Variants in FAS observed in about 807,000 individuals in gnomAD.
FAS encodes Fas cell surface death receptor, also known as tumor necrosis factor receptor superfamily member 6.
In FAS, 5 loss-of-function variants were observed where a neutral mutation model predicts 33.2. The ratio of observed to expected loss-of-function variants is 0.15; its 90% CI spans 0.08 to 0.32. The LOEUF (loss-of-function observed/expected upper bound fraction) is 0.32, where lower values mean the gene tolerates loss of function less well. FAS is among the 10% of genes least tolerant of loss of function. The pLI is 1.00. For synonymous variants in FAS, 131 were observed against 130.7 expected (o/e 1.00, Z -0.01); for missense variants, 339 against 386.0 (o/e 0.88, Z 1.02).
In FAS at chr10:89,014,891, T is replaced by C. The variant is rs1848721249; in HGVS notation, c.*441T>C. The C allele has an allele frequency of 1.9e-6, 1 of 536,140 alleles. No homozygotes were observed. Among genetic ancestry groups the C allele is most frequent in the Non-Finnish European group, 3.6e-6 (1 of 277,738 alleles). The allele number at this position is 536,140 out of a possible 1,614,324, so 33.2% of individuals were successfully genotyped here. A position where few individuals can be genotyped will look rare whatever the true frequency, so the allele number is the denominator to read the frequency against. The stretch of plus-strand genomic sequence containing the variant: ...ACAGGCAGGCCACTTTGCCTCTAAA[T>C]TACCTCTGATAATTCTAGAGATTTT... On this transcript the variant is annotated 3_prime_UTR_variant, in exon 9 of 9. Coordinates refer to ENST00000652046, the MANE Select transcript of FAS (RefSeq NM_000043.6).
intron 1 of FAS, among the ~76,000 whole-genome samples, chr10:88,964,245 A>G (rs2133306581): frequency 6.6e-6 from 1 of 152,314 alleles, no homozygotes; most frequent in South Asian, 2.1e-4. Context: ...CAGATGAAAA[A>G]GAAAAAAGCG....
chr10:88,998,205 A>G (rs1475016881), intron 1 of FAS, among the ~76,000 whole-genome samples: 1 of 152,178 alleles, frequency 6.6e-6, no homozygotes, highest in Admixed American at 6.5e-5. Flanking sequence ...GGATCTGTTC[A>G]GGCTTGTAGA....
At chr10:88,994,233 G>A (rs979639854) in intron 1 of FAS, among the ~76,000 whole-genome samples, 1 of 152,162 alleles carries the variant, frequency 6.6e-6, no homozygotes, top group East Asian at 1.9e-4. Flanking sequence ...GATTACCAGA[G>A]TAAACTGCCA....
chr10:88,982,208 AT>A (rs1361183372), upstream of FAS, among the ~76,000 whole-genome samples: 1 of 152,218 alleles, frequency 6.6e-6, no homozygotes, highest in Non-Finnish European at 1.5e-5. Flanking sequence ...TGTGCACACA[AT>A]AAGAAGACCT....
At chr10:88,973,412 C>G in intron 2 of FAS, 3 of 1,291,024 alleles carry the variant, frequency 2.3e-6, no homozygotes, top group Non-Finnish European at 3.0e-6. Flanking sequence ...ATGAAAACAA[C>G]TCTTTCTTGT....
intron 1 of FAS, among the ~76,000 whole-genome samples, chr10:88,972,686 G>A (rs908770439): frequency 3.3e-5 from 5 of 152,038 alleles, no homozygotes; most frequent in Non-Finnish European, 5.9e-5. Context: ...GGAAATTACT[G>A]TAACCTTACA....
intron 1 of FAS, chr10:88,992,510 C>G (rs1031082292): frequency 2.6e-5 from 4 of 151,878 alleles, no homozygotes; most frequent in Non-Finnish European, 5.9e-5. Context: ...GTTTAAAGCC[C>G]GAAGAAAACT....
chr10:88,990,848 C>T lies in FAS; in HGVS notation c.-29C>T. On this transcript the variant is annotated 5_prime_UTR_variant, in exon 1 of 9. Transcript: ENST00000652046. The surrounding 1 kb of genome is among the most constrained non-coding windows in gnomAD (Gnocchi z 4.9). ...CGCTCAGTACGGAGTTGGGGAAGCT[C>T]TTTCACTTCGGAGGATTGCTCAACA... 2 of 1,614,234 alleles carry T rather than the reference C, an allele frequency of 1.2e-6. No individual in the cohort carries two copies. The highest frequency in any genetic ancestry group is 1.7e-6 in the Non-Finnish European group (2 of 1,180,034).
chr10:88,974,127 C>A (rs1846510900), intron 2 of FAS: 1 of 152,002 alleles, frequency 6.6e-6, no homozygotes, highest in African/African-American at 2.4e-5. Flanking sequence ...TACATAAATA[C>A]ATGTCTCCAG....
At chr10:88,970,537 G>A (rs1055192991) in intron 1 of FAS, among the ~76,000 whole-genome samples, 1 of 152,180 alleles carries the variant, frequency 6.6e-6, no homozygotes, top group African/African-American at 2.4e-5. Context: ...TAGGAGGTAG[G>A]AAGAAGGACA....
intron 7 of FAS, 97 bp downstream of exon 7, chr10:89,012,178 G>C: frequency 9.2e-7 from 1 of 1,085,762 alleles, no homozygotes. Flanking sequence ...TTTGTTTCTT[G>C]TTTGTTTCAT....
intron 1 of FAS, among the ~76,000 whole-genome samples, chr10:88,967,450 T>A (rs1355485436): frequency 6.6e-6 from 1 of 152,164 alleles, no homozygotes; most frequent in Non-Finnish European, 1.5e-5. Context: ...CAGGTGGCGA[T>A]GAGGACAGAT....
chr10:89,014,044 A>G, intron 8 of FAS, 75 bp from the exon 9 acceptor site: 1 of 1,453,742 alleles, frequency 6.9e-7, no homozygotes, highest in Non-Finnish European at 9.5e-7. Flanking sequence ...CTATAAAAAG[A>G]GAAATAAACA....
At chr10:88,971,223 C>CTTA (rs1201644865) in intron 1 of FAS, among the ~76,000 whole-genome samples, 1 of 152,252 alleles carries the variant, frequency 6.6e-6, no homozygotes, top group Non-Finnish European at 1.5e-5. Flanking sequence ...ACTTCTGCTA[C>CTTA]TTAAATGAGT....
chr10:89,015,770 A>G lies in FAS; in HGVS notation c.*1320A>G. 1 of 483,262 alleles carries G rather than the reference A, an allele frequency of 2.1e-6. No homozygotes were observed. The highest frequency in any genetic ancestry group is 4.0e-6 in the Non-Finnish European group (1 of 252,964). 29.9% of individuals were successfully genotyped at this position (483,262 alleles called of 1,614,324 possible). A position where few individuals can be genotyped will look rare whatever the true frequency, so the allele number is the denominator to read the frequency against. On this transcript the variant is annotated 3_prime_UTR_variant, in exon 9 of 9. Transcript: ENST00000652046. ...AAATATAGGTAAAAGTACGTAATTA[A>G]ATAATGTTTTTGGTATTTCTGGTTT...
In FAS at chr10:89,007,853, T is replaced by G; in HGVS notation, c.334+16T>G. The G allele has an allele frequency of 6.2e-7, 1 of 1,613,676 alleles. No individual in the cohort carries two copies. On this transcript the variant is annotated intron_variant, in intron 3 of 8. Coordinates refer to ENST00000652046, the MANE Select transcript of FAS (RefSeq NM_000043.6). Reference sequence around the variant, plus strand: ...GAAGGACATGGTAAGAGTCTTAAAATGCAATTGAAAGAGGCCAATCTTGGA... The same window carrying G: ...GAAGGACATGGTAAGAGTCTTAAAAGGCAATTGAAAGAGGCCAATCTTGGA...
intron 1 of FAS, among the ~76,000 whole-genome samples, chr10:88,996,602 CCACA>C (rs374834203): frequency 6.6e-6 from 1 of 151,730 alleles, no homozygotes; most frequent in African/African-American, 2.4e-5. Context: ...AGTGTTCTCG[CCACA>C]CACACACAAA....
chr10:88,996,969 C>T (rs1847637484), intron 1 of FAS, among the ~76,000 whole-genome samples: 2 of 152,198 alleles, frequency 1.3e-5, no homozygotes, highest in Non-Finnish European at 2.9e-5. Flanking sequence ...TTACATTACC[C>T]ATTTCCTCTA....
intron 2 of FAS, among the ~76,000 whole-genome samples, chr10:89,006,344 G>C (rs1325449651): frequency 6.6e-6 from 1 of 152,140 alleles, no homozygotes; most frequent in African/African-American, 2.4e-5. Context: ...ACTATTGACA[G>C]ACTATTATCT....
Sources: gnomAD v4.1 joint callset for allele counts (sites outside exome capture counted in the v4.1 genomes callset) on GRCh38, gnomAD v4.1.1 for gene constraint, Gnocchi (gnomAD v3.1) non-coding constraint, MANE v1.5 for transcripts, NCBI Gene and HGNC (gene_info 2026-07-23, HGNC 2026-07-21) for gene names.